The following TNS1 variants were observed in gnomAD, a reference collection of about 807,000 sequenced individuals.
The protein encoded by TNS1 is tensin-1.
A neutral mutation model predicts 168.6 loss-of-function variants in TNS1; 62 were observed. The ratio of observed to expected loss-of-function variants is 0.37; its 90% CI spans 0.30 to 0.45. The LOEUF is 0.45. Among genes scored for constraint, TNS1 ranks in the 20% least tolerant of loss-of-function variants. The pLI is 1.00. For synonymous variants in TNS1, 934 were observed against 933.2 expected, an observed-to-expected ratio of 1.00 and a Z score of -0.02; for missense variants, 2,240 against 2,339.4, an observed-to-expected ratio of 0.96 and a Z score of 0.88.
At chr2:217,898,491 G>A (rs1391406737) in intron 7 of TNS1, among the ~76,000 whole-genome samples, 1 of 152,246 alleles carries the variant, frequency 6.6e-6, no homozygotes, top group Non-Finnish European at 1.5e-5. Context: ...AAACCTCTCA[G>A]GGGAGGGGGC....
intron 18 of TNS1, among the ~76,000 whole-genome samples, chr2:217,878,014 G>A (rs1049490776): frequency 3.3e-5 from 5 of 152,144 alleles, no homozygotes; most frequent in African/African-American, 1.2e-4. Context: ...TTCAGAAATG[G>A]CCCCAGGTCA....
At chr2:217,814,857 A>G (rs1308227368) in intron 25 of TNS1, 55 bp downstream of exon 25, 1 of 1,488,952 alleles carries the variant, frequency 6.7e-7, no homozygotes, top group Admixed American at 1.8e-5. Context: ...CAGGGAAGAC[A>G]CAGCAGGCCT....
At chr2:217,877,458 G>A (rs1476340319) in intron 18 of TNS1, among the ~76,000 whole-genome samples, 1 of 152,208 alleles carries the variant, frequency 6.6e-6, no homozygotes, top group Non-Finnish European at 1.5e-5. Context: ...CCAGGAAATG[G>A]GGTTGGTACA....
At chr2:217,921,618 C>T (rs577701139) in intron 3 of TNS1, among the ~76,000 whole-genome samples, 28 of 152,268 alleles carry the variant, frequency 1.8e-4, no homozygotes, top group Admixed American at 8.5e-4. Flanking sequence ...TTGACACAGT[C>T]GGGCTACAGA....
intron 18 of TNS1, chr2:217,850,343 G>A: frequency 1.0e-6 from 1 of 985,344 alleles, no homozygotes; most frequent in Non-Finnish European, 1.2e-6. Context: ...TAGGGCAGGA[G>A]GGGAAGCGTC....
chr2:217,843,937 C>T (rs1946314426), intron 19 of TNS1, among the ~76,000 whole-genome samples: 1 of 152,122 alleles, frequency 6.6e-6, no homozygotes, highest in African/African-American at 2.4e-5. Context: ...CACTCAATTC[C>T]AAAGTTCAGC....
intron 18 of TNS1, among the ~76,000 whole-genome samples, chr2:217,868,600 AGC>A (rs1196272934): frequency 6.6e-6 from 1 of 152,258 alleles, no homozygotes; most frequent in Non-Finnish European, 1.5e-5. Context: ...ACAGTCGCTG[AGC>A]TAGGTGCCCA....
rs369050860 is a variant in TNS1 at position 217,897,958 on chromosome 2, A to T, written c.383T>A (p.Val128Glu). The change falls in exon 8 of 33, where the codon GTG becomes GAG. Residue 128 changes from valine (V) to glutamate (E), a missense_variant. Around this residue, in one of 2 missense-constraint regions of TNS1, gnomAD observed 2,131 missense variants for 2,171.2 expected, o/e 0.98. Coordinates refer to ENST00000682258, the MANE Select transcript of TNS1 (RefSeq NM_001387777.1). Reference sequence around the variant, plus strand: ...ACAGCTGTCCTCCATGGTCCGGCTCACACTCATGTTTCTAGGGAGACAGCA... The same window carrying T: ...ACAGCTGTCCTCCATGGTCCGGCTCTCACTCATGTTTCTAGGGAGACAGCA... ...PHLQPIRNMSVSRTMEDSCEL... is the reference protein window; with the variant it reads ...PHLQPIRNMSESRTMEDSCEL... 1 of 1,606,374 alleles carries T rather than the reference A, an allele frequency of 6.2e-7. No individual in the cohort carries two copies. Among genetic ancestry groups the T allele is most frequent in the African/African-American group, 1.3e-5 (1 of 74,562 alleles).
intron 19 of TNS1, among the ~76,000 whole-genome samples, chr2:217,839,997 G>A (rs890443907): frequency 6.6e-6 from 1 of 152,182 alleles, no homozygotes; most frequent in Non-Finnish European, 1.5e-5. Context: ...AGGCCCAGCT[G>A]AACACTACAC....
intron 22 of TNS1, 135 bp from the exon 23 acceptor site, chr2:217,822,073 C>T: frequency 3.0e-6 from 3 of 1,001,366 alleles, no homozygotes; most frequent in Non-Finnish European, 4.3e-6. Context: ...AAAGGACAGG[C>T]AGGGCTCCTG....
chr2:217,816,467 G>C (rs2125142451), intron 24 of TNS1, among the ~76,000 whole-genome samples: 1 of 152,142 alleles, frequency 6.6e-6, no homozygotes, highest in East Asian at 1.9e-4. Flanking sequence ...GAGTGTGAGG[G>C]GAGAGGTCAG....
intron 2 of TNS1, among the ~76,000 whole-genome samples, chr2:217,979,700 T>C (rs1490499702): frequency 6.6e-6 from 1 of 152,048 alleles, no homozygotes; most frequent in Non-Finnish European, 1.5e-5. Flanking sequence ...GCAGATCTCA[T>C]GGGTGGGCGA....
intron 3 of TNS1, among the ~76,000 whole-genome samples, chr2:217,961,277 A>G (rs1456795744): frequency 6.6e-6 from 1 of 151,738 alleles, no homozygotes; most frequent in Non-Finnish European, 1.5e-5. Flanking sequence ...AGAGAGAGAG[A>G]GAGGCTGAAG....
intron 19 of TNS1, among the ~76,000 whole-genome samples, chr2:217,840,879 C>A (rs1945855634): frequency 6.6e-6 from 1 of 152,168 alleles, no homozygotes; most frequent in Admixed American, 6.5e-5. Flanking sequence ...CAGGCAAGGC[C>A]AAGGCTAGCA....
intron 22 of TNS1, among the ~76,000 whole-genome samples, chr2:217,829,652 C>T (rs1391083261): frequency 6.6e-6 from 1 of 152,174 alleles, no homozygotes; most frequent in African/African-American, 2.4e-5. Context: ...GCTACAAGCT[C>T]CCCCATCAGG....
chr2:217,960,368 G>A (rs1275643947), intron 3 of TNS1, among the ~76,000 whole-genome samples: 1 of 152,164 alleles, frequency 6.6e-6, no homozygotes, highest in Non-Finnish European at 1.5e-5. Flanking sequence ...ACAGAACACA[G>A]AGGCAGCTGG....
chr2:217,984,471 C>T (rs955558649), intron 2 of TNS1, among the ~76,000 whole-genome samples: 1 of 151,844 alleles, frequency 6.6e-6, no homozygotes, highest in Admixed American at 6.6e-5. Context: ...TATATGCACC[C>T]AACTCTTTCT....
chr2:217,805,909 C>CACACACACACAT, intron 32 of TNS1, among the ~76,000 whole-genome samples: 1 of 151,896 alleles, frequency 6.6e-6, no homozygotes, highest in Admixed American at 6.6e-5. Flanking sequence ...CACACACACA[C>CACACACACACAT]ATAATCCAGC....
intron 18 of TNS1, among the ~76,000 whole-genome samples, chr2:217,865,616 G>A (rs1046898982): frequency 2.6e-5 from 4 of 152,146 alleles, no homozygotes; most frequent in African/African-American, 7.2e-5. Context: ...CCAGGGCATC[G>A]ACTGGCTGTA....
Sources: allele counts gnomAD v4.1 joint callset (sites outside exome capture counted in the v4.1 genomes callset), GRCh38; gene constraint gnomAD v4.1.1; regional missense constraint gnomAD v4.1.1; transcripts MANE v1.5; gene names NCBI Gene and HGNC (gene_info 2026-07-23, HGNC 2026-07-21).